The following AFF3 variants were observed in gnomAD, a reference collection of about 807,000 sequenced individuals.
AFF3 encodes AF4/FMR2 family member 3.
Under a neutral mutation model 129.7 loss-of-function variants are expected in AFF3, and 32 were observed. That is an observed-to-expected ratio of 0.25 (90% confidence interval 0.19 to 0.33). The LOEUF is 0.33. Ranked by LOEUF, AFF3 falls within the 10% of genes least tolerant of loss-of-function variation. AFF3 has a pLI of 1.00. For missense variants in AFF3, 1,373 were observed against 1,592.0 expected, an observed-to-expected ratio of 0.86 and a Z score of 2.34; for synonymous variants, 644 against 635.4, an observed-to-expected ratio of 1.01 and a Z score of -0.20.
chr2:99,982,819 G>C (rs777978766), intron 7 of AFF3, among the ~76,000 whole-genome samples: 1 of 152,044 alleles, frequency 6.6e-6, no homozygotes, highest in Non-Finnish European at 1.5e-5. Context: ...CAGAAAATCA[G>C]AACAGAAAAA....
chr2:99,732,347 C>T (rs970488954), intron 10 of AFF3, among the ~76,000 whole-genome samples: 1 of 74,894 alleles, frequency 1.3e-5, no homozygotes, highest in Non-Finnish European at 3.0e-5. Context: ...GACTCTGTCT[C>T]AAAAAAAAAA....
intron 7 of AFF3, among the ~76,000 whole-genome samples, chr2:99,961,583 G>A (rs1677218166): frequency 6.6e-6 from 1 of 152,124 alleles, no homozygotes; most frequent in Non-Finnish European, 1.5e-5. Context: ...TACACAAACT[G>A]GGTCTCAAAA....
At chr2:99,706,592 T>C (rs1014381640) in intron 11 of AFF3, among the ~76,000 whole-genome samples, 1 of 152,138 alleles carries the variant, frequency 6.6e-6, no homozygotes, top group African/African-American at 2.4e-5. Context: ...ATGCACCTTA[T>C]AAAAGAAACA....
intron 14 of AFF3, among the ~76,000 whole-genome samples, chr2:99,595,203 A>T (rs1171847362): frequency 6.6e-6 from 1 of 152,242 alleles, no homozygotes; most frequent in African/African-American, 2.4e-5. Flanking sequence ...CAATCCAATA[A>T]TTTCACAGGG....
intron 8 of AFF3, among the ~76,000 whole-genome samples, chr2:99,776,553 A>G (rs866013623): frequency 3.9e-5 from 6 of 152,222 alleles, no homozygotes; most frequent in Non-Finnish European, 8.8e-5. Context: ...GATGATAAAA[A>G]TCAAAACATA....
chr2:99,557,640 C>T (rs568339393), intron 22 of AFF3, among the ~76,000 whole-genome samples: 15 of 152,196 alleles, frequency 9.9e-5, no homozygotes, highest in African/African-American at 3.6e-4. Context: ...TTGATGTTGA[C>T]TTTAGGCACC....
intron 4 of AFF3, among the ~76,000 whole-genome samples, chr2:100,076,106 T>C (rs1688569328): frequency 6.6e-6 from 1 of 152,186 alleles, no homozygotes; most frequent in South Asian, 2.1e-4. Flanking sequence ...TCTGATGACA[T>C]GAATGTCTAC....
intron 7 of AFF3, among the ~76,000 whole-genome samples, chr2:99,857,996 G>A (rs901280394): frequency 2.0e-5 from 3 of 152,148 alleles, no homozygotes; most frequent in Non-Finnish European, 2.9e-5. Flanking sequence ...CTTGAGTTTG[G>A]TTGGTCAACT....
chr2:99,629,494 TCAAAGCAATCAGAGATGATG>T (rs1682928453), intron 13 of AFF3, among the ~76,000 whole-genome samples: 1 of 152,142 alleles, frequency 6.6e-6, no homozygotes, highest in African/African-American at 2.4e-5. Flanking sequence ...AAAACACTGC[TCAAAGCAATCAGAGATGATG>T]CAATTCCTCT....
Position 99,550,741 on chromosome 2 carries a change from T to G in AFF3, c.*733A>C, listed in dbSNP as rs1321856406. On this transcript the variant is annotated 3_prime_UTR_variant, in exon 25 of 25. Coordinates refer to ENST00000672756, the MANE Select transcript of AFF3 (RefSeq NM_001386135.1). The stretch of plus-strand genomic sequence containing the variant: ...GTTTTTGCTAAATCTCAGTGCCATT[T>G]GCATACTACTTGGAGGTGGGGCTGG... 4.3e-6 allele frequency: 1 copy of G among 233,230 alleles called. No homozygotes were observed. The highest frequency in any genetic ancestry group is 8.5e-6 in the Non-Finnish European group (1 of 118,130). The allele number at this position is 233,230 out of a possible 1,614,324, so 14.4% of individuals were successfully genotyped here.
rs1674380175 is a variant in AFF3, at chr2:99,551,205, C to T, written c.*269G>A. The T allele has an allele frequency of 1.8e-6, 1 of 545,004 alleles. No individual in the cohort carries two copies. Among genetic ancestry groups the T allele is most frequent in the Admixed American group, 3.1e-5 (1 of 32,758 alleles). The allele number at this position is 545,004 out of a possible 1,614,324, so 33.8% of individuals were successfully genotyped here. A position where few individuals can be genotyped will look rare whatever the true frequency, so the allele number is the denominator to read the frequency against. On this transcript the variant is annotated 3_prime_UTR_variant, in exon 25 of 25. Coordinates refer to ENST00000672756, the MANE Select transcript of AFF3 (RefSeq NM_001386135.1). ...GTGTACTTCCTCTAGTCAGAAACCT[C>T]TGATCACTTTGTCTAGCCTGGGATT...
chr2:99,760,828 T>C lies in AFF3; in HGVS notation c.922-8527A>G, dbSNP rs182973219. Among the ~76,000 whole-genome samples the C allele has an allele frequency of 2.6e-5, 4 of 152,332 alleles. No homozygotes were observed. In the East Asian group the frequency reaches 7.7e-4, roughly 29 times the overall value. Reference sequence around the variant, plus strand: ...TTGCTTTGTCTGCCTTCTCTCCTTTTTCATTTTCTTGTCACTCAGGAATAA... The same window carrying C: ...TTGCTTTGTCTGCCTTCTCTCCTTTCTCATTTTCTTGTCACTCAGGAATAA... On this transcript the variant is annotated intron_variant, in intron 8 of 24. Transcript: ENST00000672756.
rs949919505 is a variant in AFF3, at chr2:99,859,590, A to G, written c.874-22066T>C. Among the ~76,000 whole-genome samples, 9 of 152,186 alleles carry G rather than the reference A, an allele frequency of 5.9e-5. No individual in the cohort carries two copies. The East Asian group carries it at 1.7e-3, about 29-fold the overall frequency. On this transcript the variant is annotated intron_variant, in intron 7 of 24. Coordinates refer to ENST00000672756, the MANE Select transcript of AFF3 (RefSeq NM_001386135.1). ...ATTATCCACCATCATCTAGAAATGC[A>G]TTTGTTTATTCCTAATTTTTGTTTT...
chr2:99,836,843 T>C lies in AFF3; in HGVS notation c.921+634A>G, dbSNP rs146341362. On this transcript the variant is annotated intron_variant, in intron 8 of 24. Transcript: ENST00000672756. Reference sequence around the variant, plus strand: ...TGAAAAAATATGAGTGAAGAAAAAATATGGGTTGATGACGACATCCTGATT... The same window carrying C: ...TGAAAAAATATGAGTGAAGAAAAAACATGGGTTGATGACGACATCCTGATT... Among the ~76,000 whole-genome samples, 95 of 151,758 alleles carry C rather than the reference T, an allele frequency of 6.3e-4. 1 individual carries two copies. In the East Asian group the frequency reaches 0.017, roughly 27 times the overall value.
intron 7 of AFF3, among the ~76,000 whole-genome samples, chr2:99,922,813 T>C (rs766777988): frequency 1.5e-3 from 236 of 152,310 alleles, no homozygotes; most frequent in Non-Finnish European, 2.3e-3. Context: ...CTTTTCTACC[T>C]CTGGGGCTAA....
intron 8 of AFF3, among the ~76,000 whole-genome samples, chr2:99,760,903 G>A (rs915241965): frequency 4.6e-5 from 7 of 150,948 alleles, no homozygotes; most frequent in Non-Finnish European, 1.0e-4. Flanking sequence ...TTTGCCCTTG[G>A]GGTTTCTTAG....
intron 13 of AFF3, among the ~76,000 whole-genome samples, chr2:99,607,955 G>T (rs35053634): frequency 6.6e-6 from 1 of 152,168 alleles, no homozygotes; most frequent in Non-Finnish European, 1.5e-5. Context: ...CTATTGCTAA[G>T]AATTGTCGTC....
intron 1 of AFF3, among the ~76,000 whole-genome samples, chr2:100,130,584 G>A (rs978855185): frequency 4.6e-5 from 7 of 152,330 alleles, no homozygotes; most frequent in East Asian, 1.9e-4. Flanking sequence ...ATAGCAGTGC[G>A]TTGCCTAAGT....
intron 12 of AFF3, among the ~76,000 whole-genome samples, chr2:99,659,309 T>C (rs1026655486): frequency 6.6e-6 from 1 of 152,224 alleles, no homozygotes; most frequent in South Asian, 2.1e-4. Context: ...CATGCATACA[T>C]GTGCCTGTCT....
Sources: allele counts gnomAD v4.1 joint callset (sites outside exome capture counted in the v4.1 genomes callset), GRCh38; gene constraint gnomAD v4.1.1; transcripts MANE v1.5; gene names NCBI Gene and HGNC (gene_info 2026-07-23, HGNC 2026-07-21).